The following TBCD variants were observed in gnomAD, a reference collection of about 807,000 sequenced individuals.
TBCD encodes tubulin folding cofactor D, also known as tubulin-specific chaperone D.
In TBCD, 105 loss-of-function variants were observed where a neutral mutation model predicts 169.3. The observed-to-expected ratio is 0.62, with a 90% CI of 0.53 to 0.73. The LOEUF (loss-of-function observed/expected upper bound fraction) is 0.73, where lower values mean the gene tolerates loss of function less well. TBCD is among the 30% of genes least tolerant of loss of function. TBCD has a pLI of 0.00. For missense variants in TBCD, 1,444 were observed against 1,600.1 expected, an observed-to-expected ratio of 0.90 and a Z score of 1.66; for synonymous variants, 700 against 643.9, an observed-to-expected ratio of 1.09 and a Z score of -1.32.
Position 82,915,244 on chromosome 17 carries a change from C to T in TBCD, c.2038+3455C>T, listed in dbSNP as rs2060945560. 1.3e-5 allele frequency among the ~76,000 whole-genome samples: 2 copies of T among 152,144 alleles called. No homozygotes were observed. Among genetic ancestry groups the T allele is most frequent in the South Asian group, 2.1e-4 (1 of 4,824 alleles). ...ATGCCGCCCGCAGGAGCATCAGGTG[C>T]GCCCTGGCCGCAGGTGCCCCGGAGG... On this transcript the variant is annotated intron_variant, in intron 23 of 38. Transcript: ENST00000355528. This position sits in a 1 kb window ranked among gnomAD's most constrained non-coding sequence, Gnocchi z 4.3.
rs113090422 is a variant in TBCD at position 82,928,308 on chromosome 17, G to C, written c.2693+320G>C. ...CCCGGGGTAGGGCCGGGCAGGAGGTGGGGACTTCTCAGCTTAGGACCCTGA... is the reference window on the plus strand; with the variant it reads ...CCCGGGGTAGGGCCGGGCAGGAGGTCGGGACTTCTCAGCTTAGGACCCTGA... On this transcript the variant is annotated intron_variant, in intron 30 of 38. Transcript: ENST00000355528. Among the ~76,000 whole-genome samples the C allele has an allele frequency of 2.0e-3, 312 of 152,300 alleles. 5 individuals carry two copies. In the Middle Eastern group the frequency reaches 0.037, roughly 18 times the overall value.
chr17:82,857,223 A>G (rs984695333), intron 13 of TBCD, among the ~76,000 whole-genome samples: 5 of 152,230 alleles, frequency 3.3e-5, no homozygotes, highest in East Asian at 1.9e-4. Context: ...GACACTGAGC[A>G]TCTTTTCATG....
chr17:82,770,972 CG>C (rs2048279044), intron 5 of TBCD, among the ~76,000 whole-genome samples: 1 of 145,242 alleles, frequency 6.9e-6, no homozygotes, highest in Non-Finnish European at 1.5e-5. Context: ...TGCTTGAACC[CG>C]GGAAGCAGAG....
chr17:82,858,879 T>C (rs2056530022), intron 13 of TBCD, among the ~76,000 whole-genome samples: 1 of 152,206 alleles, frequency 6.6e-6, no homozygotes, highest in Non-Finnish European at 1.5e-5. Context: ...TGGGACTTTG[T>C]CTAGACAAGA....
intron 13 of TBCD, among the ~76,000 whole-genome samples, chr17:82,845,101 G>T (rs906746998): frequency 2.6e-5 from 4 of 152,140 alleles, no homozygotes; most frequent in Admixed American, 6.5e-5. Flanking sequence ...ACCCAGGCAG[G>T]TGCTGGCGCC....
At chr17:82,805,777 G>C in intron 9 of TBCD, 98 bp from the exon 10 acceptor site, 1 of 1,410,076 alleles carries the variant, frequency 7.1e-7, no homozygotes, top group Non-Finnish European at 9.7e-7. Flanking sequence ...ATTTTCACAG[G>C]CACGCTTTAA....
chr17:82,897,052 C>T (rs1476158048), intron 17 of TBCD, among the ~76,000 whole-genome samples: 2 of 152,046 alleles, frequency 1.3e-5, no homozygotes, highest in Admixed American at 6.6e-5. Context: ...ACACATCTTT[C>T]GCCCATTTAC....
rs8064687 is a variant in TBCD, at chr17:82,915,798, G to T, written c.2038+4009G>T. Among the ~76,000 whole-genome samples the T allele has an allele frequency of 1.3e-5, 2 of 151,886 alleles. No homozygotes were observed. Among genetic ancestry groups the T allele is most frequent in the African/African-American group, 4.8e-5 (2 of 41,332 alleles). ...CCGAAGACGGGAGGGAAACCAGAGG[G>T]ACTGGTGAGCCTTGAGTCGGCCACA... On this transcript the variant is annotated intron_variant, in intron 23 of 38. Transcript: ENST00000355528. The surrounding 1 kb of genome is among the most constrained non-coding windows in gnomAD (Gnocchi z 4.3).
At chr17:82,818,162 A>G (rs1241043770) in intron 13 of TBCD, among the ~76,000 whole-genome samples, 2 of 152,190 alleles carry the variant, frequency 1.3e-5, no homozygotes, top group Admixed American at 6.5e-5. Context: ...TGGTTCAGAA[A>G]CTGACACGTG....
rs2061388943 is a variant in TBCD, at chr17:82,920,963, G to A, written c.2101+345G>A. 3.1e-6 allele frequency: 1 copy of A among 321,198 alleles called. No individual in the cohort carries two copies. Among genetic ancestry groups the A allele is most frequent in the East Asian group, 7.9e-5 (1 of 12,654 alleles). 19.9% of individuals were successfully genotyped at this position (321,198 alleles called of 1,614,324 possible). On this transcript the variant is annotated intron_variant, in intron 24 of 38. Transcript: ENST00000355528. The surrounding 1 kb of genome is among the most constrained non-coding windows in gnomAD (Gnocchi z 4.1). ...CTCGTGGACCAGGAGCGTGCCGGCC[G>A]CCGACACCACGGACCCTGTGGGCAG...
At chr17:82,846,771 CCT>C (rs1336725491) in intron 13 of TBCD, among the ~76,000 whole-genome samples, 79 of 152,316 alleles carry the variant, frequency 5.2e-4, no homozygotes, top group African/African-American at 1.9e-3. Flanking sequence ...CCTGCAGGCC[CCT>C]GTGTTTTGGG....
chr17:82,768,688 G>A, intron 5 of TBCD, 122 bp downstream of exon 5: 1 of 1,087,430 alleles, frequency 9.2e-7, no homozygotes, highest in Non-Finnish European at 1.3e-6. Context: ...TTTTTCAGTG[G>A]GGTAAAATCC....
Position 82,907,950 on chromosome 17 carries a change from TG to T in TBCD, c.1983+134del, listed in dbSNP as rs3215282. On this transcript the variant is annotated intron_variant, in intron 21 of 38. Coordinates refer to ENST00000355528, the MANE Select transcript of TBCD (RefSeq NM_005993.5). The stretch of plus-strand genomic sequence containing the variant: ...TGTGCTCCATCAGTCCTGGGCTCAG[TG>T]GGGGACCTGCGGTGTGATCACTCTG... The T allele has an allele frequency of 2.8e-3, 2,675 of 944,970 alleles. 94 individuals are homozygous for T. The East Asian group carries it at 0.058, about 20-fold the overall frequency. The allele number at this position is 944,970 out of a possible 1,614,324, so 58.5% of individuals were successfully genotyped here.
chr17:82,873,664 A>C (rs927532482), intron 14 of TBCD, among the ~76,000 whole-genome samples: 3 of 152,182 alleles, frequency 2.0e-5, no homozygotes, highest in Non-Finnish European at 4.4e-5. Flanking sequence ...TCATCGTTCC[A>C]GAGTAAAATA....
chr17:82,787,762 C>T (rs771355740), intron 7 of TBCD, among the ~76,000 whole-genome samples: 11 of 152,182 alleles, frequency 7.2e-5, no homozygotes, highest in African/African-American at 1.4e-4. Context: ...TCCCTCGAAG[C>T]GTAGTTCCCT....
intron 7 of TBCD, 83 bp from the exon 8 acceptor site, chr17:82,797,674 A>G: frequency 9.5e-7 from 1 of 1,048,688 alleles, no homozygotes; most frequent in Non-Finnish European, 1.4e-6. Context: ...GAAAGATGTG[A>G]TGAATTGTTT....
intron 13 of TBCD, among the ~76,000 whole-genome samples, chr17:82,855,840 C>T (rs2056227062): frequency 6.6e-6 from 1 of 152,116 alleles, no homozygotes; most frequent in Non-Finnish European, 1.5e-5. Flanking sequence ...TGTTTTCTGC[C>T]TCTACGTTTA....
Position 82,938,087 on chromosome 17 carries a change from G to C in TBCD, c.3320G>C (p.Arg1107Thr), listed in dbSNP as rs995738015. Residue 1107 changes from arginine (R) to threonine (T), a missense_variant, in exon 36 of 39, where the codon AGG (arginine) becomes ACG (threonine). Physicochemically the swap from Arg to Thr is moderately conservative, Grantham distance 71. Coordinates refer to ENST00000355528, the MANE Select transcript of TBCD (RefSeq NM_005993.5). ...GTGCAGTTCCCCGGCGACGTGAGGAGGCAGGCCCTCCTGCAGCTGTGTCTG... is the reference window on the plus strand; with the variant it reads ...GTGCAGTTCCCCGGCGACGTGAGGACGCAGGCCCTCCTGCAGCTGTGTCTG... Reference protein sequence around the residue: ...EMVQFPGDVRRQALLQLCLLL... With the variant: ...EMVQFPGDVRTQALLQLCLLL... The C allele has an allele frequency of 1.9e-6, 3 of 1,613,000 alleles. No individual in the cohort carries two copies. The highest frequency in any genetic ancestry group is 2.2e-5 in the East Asian group (1 of 44,882).
At chr17:82,793,527 G>A (rs369544679) in intron 7 of TBCD, among the ~76,000 whole-genome samples, 2 of 152,210 alleles carry the variant, frequency 1.3e-5, no homozygotes, top group Admixed American at 6.5e-5. Flanking sequence ...CCCTGCTGCT[G>A]AGGGGAGCCT....
Sources: allele counts gnomAD v4.1 joint callset (sites outside exome capture counted in the v4.1 genomes callset), GRCh38; gene constraint gnomAD v4.1.1; non-coding constraint Gnocchi (gnomAD v3.1); transcripts MANE v1.5; gene names NCBI Gene and HGNC (gene_info 2026-07-23, HGNC 2026-07-21).